Variants in USP33 observed in about 807,000 individuals in gnomAD.
The protein encoded by USP33 is ubiquitin specific peptidase 33, also known as ubiquitin carboxyl-terminal hydrolase 33.
In USP33, 46 loss-of-function variants were observed where a neutral mutation model predicts 124.2. The observed-to-expected ratio is 0.37, with a 90% CI of 0.29 to 0.47. USP33 has a LOEUF of 0.47. Among genes scored for constraint, USP33 ranks in the 20% least tolerant of loss-of-function variants. The pLI, the probability that USP33 is intolerant of heterozygous loss-of-function variation, is 0.99. For synonymous variants in USP33, 350 were observed against 352.3 expected, an observed-to-expected ratio of 0.99 and a Z score of 0.07; for missense variants, 851 against 1,070.6, an observed-to-expected ratio of 0.79 and a Z score of 2.86.
chr1:77,697,439 T>C lies in USP33; in HGVS notation c.2614A>G (p.Asn872Asp), dbSNP rs1382917605. ...CCACCATAAATAGACTGCAGAAAAT[T>C]CCATGTTTCTTCAGAAATCTGGCCA... The part of the protein sequence containing the change: ...DSGQISEETW[N>D]FLQSIYGGGP... The change falls in exon 24 of 24, where the codon AAT (asparagine) becomes GAT (aspartate). Residue 872 changes from asparagine to aspartate, a missense_variant. This residue lies in a region of USP33 where 142 missense variants were observed against 141.8 expected (regional missense o/e 1.00). Transcript: ENST00000370794. The C allele has an allele frequency of 6.2e-7, 1 of 1,605,254 alleles. No homozygotes were observed. Among genetic ancestry groups the C allele is most frequent in the East Asian group, 2.2e-5 (1 of 44,790 alleles).
Position 77,700,404 on chromosome 1 carries a change from T to C in USP33, c.2509+965A>G, listed in dbSNP as rs1316040544. On this transcript the variant is annotated intron_variant, in intron 22 of 23. Coordinates refer to ENST00000370794, the MANE Select transcript of USP33 (RefSeq NM_201624.3). ...TGCACTGCTTGAGCCCAGGAGTTCC[T>C]GGGCAACACTGTGAGACCATGTCTC... Among the ~76,000 whole-genome samples, 3 of 152,092 alleles carry C rather than the reference T, an allele frequency of 2.0e-5. No homozygotes were observed. The East Asian group carries it at 5.8e-4, about 29-fold the overall frequency.
At chr1:77,753,130 A>G (rs554106523) in intron 1 of USP33, among the ~76,000 whole-genome samples, 1 of 152,350 alleles carries the variant, frequency 6.6e-6, no homozygotes, top group East Asian at 1.9e-4. Context: ...ACGAAATTTA[A>G]TAATGATGGA....
rs1227192944 is a variant in USP33, at chr1:77,714,667, G to T, written c.2162C>A (p.Thr721Asn). Residue 721 changes from threonine (T) to asparagine (N), a missense_variant, in exon 19 of 24, where the codon ACC becomes AAC. By Grantham distance (65) the Thr-to-Asn change is moderately conservative. Transcript: ENST00000370794. ...ISRQWLNKFK[T>N]FAEPGPISNN... ...TGAAATAGGGCCAGGTTCGGCAAAG[G>T]TCTTAAATTTATTAAGCCACTGTCG... 1.9e-6 allele frequency: 3 copies of T among 1,613,214 alleles called. No homozygotes were observed. Among genetic ancestry groups the T allele is most frequent in the Non-Finnish European group, 2.5e-6 (3 of 1,179,954 alleles).
At chr1:77,710,644 G>T (rs1675139453) in intron 21 of USP33, among the ~76,000 whole-genome samples, 1 of 152,010 alleles carries the variant, frequency 6.6e-6, no homozygotes, top group African/African-American at 2.4e-5. Context: ...AGGAAAAGCA[G>T]GTGTGTGTGT....
Position 77,734,329 on chromosome 1 carries a change from ATTAAT to A in USP33, c.524+13_524+17del. ...TAAAAAATTATACAAATAAAACAAA[ATTAAT>A]TTCTCTATTTACCAATTAGAAAGAG... On this transcript the variant is annotated intron_variant, in intron 7 of 23. Transcript: ENST00000370794. 2 of 1,541,082 alleles carry A rather than the reference ATTAAT, an allele frequency of 1.3e-6. No individual in the cohort carries two copies.
At chr1:77,758,772 A>C (rs1319571448) in intron 1 of USP33, among the ~76,000 whole-genome samples, 1 of 152,188 alleles carries the variant, frequency 6.6e-6, no homozygotes, top group Non-Finnish European at 1.5e-5. Flanking sequence ...ATCTGATTAA[A>C]CTTAAAAATT....
chr1:77,697,512 A>G, intron 23 of USP33, 38 bp from the exon 24 acceptor site: 1 of 1,553,900 alleles, frequency 6.4e-7, no homozygotes, highest in Non-Finnish European at 8.7e-7. Context: ...TTACAAACCT[A>G]TATATTCATA....
chr1:77,740,020 A>G (rs1678934796), intron 4 of USP33, among the ~76,000 whole-genome samples: 1 of 152,238 alleles, frequency 6.6e-6, no homozygotes, highest in Admixed American at 6.5e-5. Context: ...GGCTTAATTA[A>G]TTCTATAGAG....
chr1:77,742,931 TTTA>T (rs1054787838), intron 1 of USP33, among the ~76,000 whole-genome samples: 1 of 149,604 alleles, frequency 6.7e-6, no homozygotes. Context: ...TATTTATTTA[TTTA>T]TTTATTTATT....
intron 22 of USP33, among the ~76,000 whole-genome samples, chr1:77,699,813 C>A (rs1351728520): frequency 1.3e-5 from 2 of 152,160 alleles, no homozygotes; most frequent in African/African-American, 2.4e-5. Context: ...CTATGATAGA[C>A]TGGATAAAGA....
chr1:77,752,972 G>T (rs1680477122), intron 1 of USP33, among the ~76,000 whole-genome samples: 1 of 152,080 alleles, frequency 6.6e-6, no homozygotes, highest in Non-Finnish European at 1.5e-5. Flanking sequence ...CTAGCTAGCT[G>T]GGAGGCTGAG....
chr1:77,697,804 A>G (rs1216608374), intron 23 of USP33, 59 bp downstream of exon 23: 24 of 1,461,072 alleles, frequency 1.6e-5, no homozygotes, highest in Non-Finnish European at 2.0e-5. Context: ...TAATGATAAC[A>G]TATTTCTAAC....
rs1675527587 is a variant in USP33 at position 77,713,576 on chromosome 1, T to TC, written c.2216-296_2216-295insG. 1.2e-5 allele frequency: 3 copies of TC among 249,856 alleles called. No individual in the cohort carries two copies. The Admixed American group carries it at 1.7e-4, about 14-fold the overall frequency. The allele number at this position is 249,856 out of a possible 1,614,324, so 15.5% of individuals were successfully genotyped here. On this transcript the variant is annotated intron_variant, in intron 19 of 23. Coordinates refer to ENST00000370794, the MANE Select transcript of USP33 (RefSeq NM_201624.3). ...ACTTTTCTTTTTTTTTTTTTTTTTT[T>TC]TGTAGAAACAGGCTCTCATTATGTT...
chr1:77,741,778 T>A lies in USP33; in HGVS notation c.-51-30A>T, dbSNP rs762438893. 3.3e-6 allele frequency: 5 copies of A among 1,521,054 alleles called. No individual in the cohort carries two copies. The African/African-American group carries it at 4.2e-5, about 13-fold the overall frequency. 94.2% of individuals were successfully genotyped at this position (1,521,054 alleles called of 1,614,324 possible). A position where few individuals can be genotyped will look rare whatever the true frequency, so the allele number is the denominator to read the frequency against. The stretch of plus-strand genomic sequence containing the variant: ...AAGAAAAGTAACACACACAAAAAAA[T>A]TAATAAATGCTTACAATGCCTGCAA... On this transcript the variant is annotated intron_variant, in intron 1 of 23. Coordinates refer to ENST00000370794, the MANE Select transcript of USP33 (RefSeq NM_201624.3).
rs1251365638 is a variant in USP33, at chr1:77,711,843, T to C, written c.2310A>G (p.Gly770=). ...AAATGTACAGATGGTTGACAGCTGG[T>C]CCTCCACCATACCTAAAGCATGAAA... ...WDNLYSRYGG[G]PAVNHLYICH... Residue 770 remains glycine, a synonymous_variant, in exon 21 of 24, where the codon GGA becomes GGG. Coordinates refer to ENST00000370794, the MANE Select transcript of USP33 (RefSeq NM_201624.3). The C allele has an allele frequency of 6.2e-7, 1 of 1,600,456 alleles. No homozygotes were observed. The highest frequency in any genetic ancestry group is 8.5e-7 in the Non-Finnish European group (1 of 1,176,402).
chr1:77,725,688 G>T lies in USP33; in HGVS notation c.1210C>A (p.Arg404Ser). The T allele has an allele frequency of 6.2e-7, 1 of 1,614,100 alleles. No homozygotes were observed. Among genetic ancestry groups the T allele is most frequent in the Non-Finnish European group, 8.5e-7 (1 of 1,180,008 alleles). The stretch of plus-strand genomic sequence containing the variant: ...GATTTAGGAGGGCTTGCCGATAAAC[G>T]TGGATTAACACCTTCATTTGATGGA... ...ILPSNEGVNP[R>S]LSASPPKSGN... Residue 404 changes from arginine to serine, a missense_variant, in exon 11 of 24, where the codon CGT (arginine) becomes AGT (serine). Coordinates refer to ENST00000370794, the MANE Select transcript of USP33 (RefSeq NM_201624.3).
rs761206677 is a variant in USP33 at position 77,722,100 on chromosome 1, T to C, written c.1486A>G (p.Ile496Val). The change falls in exon 13 of 24, where the codon ATA (isoleucine) becomes GTA (valine). Residue 496 changes from isoleucine to valine, a missense_variant. Transcript: ENST00000370794. ...TCGCCACATGATCCTGCTTTGACTATAGAAGTTGGATGACTTGATGAATGC... is the reference window on the plus strand; with the variant it reads ...TCGCCACATGATCCTGCTTTGACTACAGAAGTTGGATGACTTGATGAATGC... Reference protein sequence around the residue: ...KLHSSSHPTSIVKAGSCGEAY... With the variant: ...KLHSSSHPTSVVKAGSCGEAY... 49 of 1,613,998 alleles carry C rather than the reference T, an allele frequency of 3.0e-5. No homozygotes were observed. The South Asian group carries it at 3.3e-4, about 11-fold the overall frequency.
At chr1:77,700,788 C>T (rs1179347147) in intron 22 of USP33, among the ~76,000 whole-genome samples, 1 of 151,494 alleles carries the variant, frequency 6.6e-6, no homozygotes, top group Non-Finnish European at 1.5e-5. Flanking sequence ...GCAGCCTCCG[C>T]CTCGTGGATT....
intron 11 of USP33, 33 bp from the exon 12 acceptor site, chr1:77,723,476 G>A: frequency 7.0e-7 from 1 of 1,419,036 alleles, no homozygotes; most frequent in Non-Finnish European, 9.7e-7. Flanking sequence ...AAAAATCAAA[G>A]CAGCTCCTTT....
Sources: gnomAD v4.1 joint callset for allele counts (sites outside exome capture counted in the v4.1 genomes callset) on GRCh38, gnomAD v4.1.1 for gene constraint, gnomAD v4.1.1 regional missense constraint, MANE v1.5 for transcripts, NCBI Gene and HGNC (gene_info 2026-07-23, HGNC 2026-07-21) for gene names.